CREB5: variants seen among roughly 807,000 people sequenced by gnomAD.
CREB5 encodes cAMP responsive element binding protein 5, also known as cyclic AMP-responsive element-binding protein 5.
CREB5 carries 19 observed loss-of-function variants against 57.1 expected under a neutral mutation model. The ratio of observed to expected loss-of-function variants is 0.33; its 90% CI spans 0.23 to 0.49. CREB5 has a LOEUF of 0.49. CREB5 is among the 20% of genes least tolerant of loss of function. The pLI is 0.99. For missense variants in CREB5, 579 were observed against 671.6 expected, an observed-to-expected ratio of 0.86 and a Z score of 1.52; for synonymous variants, 238 against 238.3, an observed-to-expected ratio of 1.00 and a Z score of 0.01.
chr7:28,659,346 C>T (rs1562554908), intron 5 of CREB5, among the ~76,000 whole-genome samples: 6 of 152,084 alleles, frequency 3.9e-5, no homozygotes, highest in Admixed American at 3.9e-4. Flanking sequence ...GCAAACTGAG[C>T]TTTAAAAGAG....
intron 5 of CREB5, among the ~76,000 whole-genome samples, chr7:28,647,106 A>G (rs41322): frequency 0.5 from 75,736 of 151,350 alleles, 21,686 homozygotes; most frequent in African/African-American, 0.8. Context: ...TTAGCCAGAG[A>G]CTGGAGGGAA....
chr7:28,807,105 C>A (rs550426067), intron 8 of CREB5, among the ~76,000 whole-genome samples: 1 of 152,154 alleles, frequency 6.6e-6, no homozygotes, highest in Non-Finnish European at 1.5e-5. Context: ...TTTTGTTATT[C>A]CTCTATAATC....
intron 5 of CREB5, among the ~76,000 whole-genome samples, chr7:28,595,226 T>C (rs1170959544): frequency 6.6e-6 from 1 of 152,128 alleles, no homozygotes; most frequent in African/African-American, 2.4e-5. Flanking sequence ...TGCTACTAGA[T>C]AGTCTCATAG....
chr7:28,406,432 G>C (rs1197008525), intron 1 of CREB5, among the ~76,000 whole-genome samples: 1 of 152,192 alleles, frequency 6.6e-6, no homozygotes, highest in Non-Finnish European at 1.5e-5. Context: ...ATGGTACCTC[G>C]GGGGTTGGCT....
At chr7:28,578,195 G>A (rs1431260306) in intron 5 of CREB5, among the ~76,000 whole-genome samples, 1 of 152,198 alleles carries the variant, frequency 6.6e-6, no homozygotes, top group South Asian at 2.1e-4. Context: ...GGGAATGAGA[G>A]TATGTAGTCT....
intron 7 of CREB5, among the ~76,000 whole-genome samples, chr7:28,791,544 T>C (rs1007595585): frequency 1.3e-5 from 2 of 152,226 alleles, no homozygotes; most frequent in African/African-American, 4.8e-5. Flanking sequence ...AGGAATTTTC[T>C]ATATCTCCAA....
At chr7:28,322,581 T>C (rs1785512271) in intron 1 of CREB5, among the ~76,000 whole-genome samples, 1 of 152,018 alleles carries the variant, frequency 6.6e-6, no homozygotes, top group African/African-American at 2.4e-5. Flanking sequence ...TTTGTCCTAA[T>C]GCCCTCCCTC....
chr7:28,498,912 T>A (rs1792164866), intron 3 of CREB5, among the ~76,000 whole-genome samples: 1 of 152,212 alleles, frequency 6.6e-6, no homozygotes, highest in Non-Finnish European at 1.5e-5. Flanking sequence ...GAAGTTGTGA[T>A]GCAGAAGGTT....
At chr7:28,658,953 G>GTATATATATATATATATATATATATGTA (rs1554281551) in intron 5 of CREB5, among the ~76,000 whole-genome samples, 30 of 99,576 alleles carry the variant, frequency 3.0e-4, no homozygotes, top group Non-Finnish European at 6.1e-4. Flanking sequence ...GTGTGTGTGT[G>GTATATATATATATATATATATATATGTA]TATATATATA....
rs60106222 is a variant in CREB5, at chr7:28,732,843, G to GTTTT, written c.702+8521_702+8524dup. On this transcript the variant is annotated intron_variant, in intron 7 of 10. Transcript: ENST00000357727. The stretch of plus-strand genomic sequence containing the variant: ...AAAGTTTTCCTAAAGGTTTAGGGTT[G>GTTTT]TTTTTTTTTTTTTCTTAAAACCCAA... Among the ~76,000 whole-genome samples, 340 of 141,502 alleles carry GTTTT rather than the reference G, an allele frequency of 2.4e-3. 3 individuals carry two copies. Among genetic ancestry groups the GTTTT allele is most frequent in the Middle Eastern group, 3.5e-3 (1 of 284 alleles). 92.8% of individuals were successfully genotyped at this position (141,502 alleles called of 152,430 possible).
chr7:28,544,576 T>A (rs1289203638), intron 4 of CREB5, among the ~76,000 whole-genome samples: 1 of 152,166 alleles, frequency 6.6e-6, no homozygotes, highest in Admixed American at 6.5e-5. Flanking sequence ...GCAATATGGT[T>A]TTTTTTAAGG....
At chr7:28,683,698 G>T (rs1308970089) in intron 5 of CREB5, among the ~76,000 whole-genome samples, 1 of 152,096 alleles carries the variant, frequency 6.6e-6, no homozygotes, top group East Asian at 1.9e-4. Context: ...GCCCGGCATT[G>T]GCTGAAGCTA....
intron 1 of CREB5, among the ~76,000 whole-genome samples, chr7:28,365,219 C>A (rs1396972932): frequency 6.6e-6 from 1 of 152,102 alleles, no homozygotes; most frequent in Non-Finnish European, 1.5e-5. Context: ...TTTTTTGGAC[C>A]ATATCAAGAT....
intron 5 of CREB5, among the ~76,000 whole-genome samples, chr7:28,693,482 C>T (rs1464376211): frequency 2.0e-5 from 3 of 151,998 alleles, no homozygotes; most frequent in Non-Finnish European, 4.4e-5. Context: ...GCCCACTTGG[C>T]TCTGCCCCTC....
chr7:28,388,565 G>A (rs184502081), intron 1 of CREB5, among the ~76,000 whole-genome samples: 94 of 152,220 alleles, frequency 6.2e-4, no homozygotes, highest in African/African-American at 2.0e-3. Context: ...TGGTTGTTTA[G>A]TATATTTCAT....
At chr7:28,621,936 C>T (rs943179691) in intron 5 of CREB5, among the ~76,000 whole-genome samples, 20 of 152,148 alleles carry the variant, frequency 1.3e-4, no homozygotes, top group South Asian at 4.1e-4. Flanking sequence ...CTCACCCAAA[C>T]GCCAAGGTGA....
intron 5 of CREB5, among the ~76,000 whole-genome samples, chr7:28,713,565 A>T (rs1276417793): frequency 6.6e-6 from 1 of 152,208 alleles, no homozygotes; most frequent in Non-Finnish European, 1.5e-5. Context: ...ATTTCACTAA[A>T]TGAAGACGCT....
chr7:28,499,871 C>T (rs567429430), intron 3 of CREB5, among the ~76,000 whole-genome samples: 7 of 152,366 alleles, frequency 4.6e-5, no homozygotes, highest in South Asian at 4.1e-4. Flanking sequence ...GCGTGAGCCA[C>T]AGCACCCGGC....
chr7:28,524,130 C>G (rs1793323146), intron 4 of CREB5, among the ~76,000 whole-genome samples: 2 of 152,172 alleles, frequency 1.3e-5, no homozygotes, highest in South Asian at 4.1e-4. Context: ...GAAGTGCTTT[C>G]TACCTCTGAA....
Sources: allele counts gnomAD v4.1 joint callset (sites outside exome capture counted in the v4.1 genomes callset), GRCh38; gene constraint gnomAD v4.1.1; transcripts MANE v1.5; gene names NCBI Gene and HGNC (gene_info 2026-07-23, HGNC 2026-07-21).